The following USP49 variants were observed in gnomAD, a reference collection of about 807,000 sequenced individuals.
The protein encoded by USP49 is ubiquitin specific peptidase 49, also known as ubiquitin carboxyl-terminal hydrolase 49.
In USP49, 24 loss-of-function variants were observed where a neutral mutation model predicts 58.6. That is an observed-to-expected ratio of 0.41 (90% CI 0.30 to 0.58). The LOEUF (loss-of-function observed/expected upper bound fraction) is 0.58. Ranked by LOEUF, USP49 falls within the 20% of genes least tolerant of loss-of-function variation. USP49 has a pLI of 0.30. For missense variants in USP49, 703 were observed against 866.1 expected (o/e 0.81, Z 2.36); for synonymous variants, 408 against 365.1 (o/e 1.12, Z -1.34).
Position 41,806,349 on chromosome 6 carries a change from A to T in USP49, c.635T>A (p.Leu212His), listed in dbSNP as rs1018238016. The T allele has an allele frequency of 2.6e-6, 4 of 1,530,552 alleles. No homozygotes were observed. Among genetic ancestry groups the T allele is most frequent in the East Asian group, 4.5e-5 (2 of 44,036 alleles). The allele number at this position is 1,530,552 out of a possible 1,614,324, so 94.8% of individuals were successfully genotyped here. The change falls in exon 4 of 8, where the codon CTC becomes CAC. Residue 212 changes from leucine (L) to histidine (H), a missense_variant. Physicochemically the swap from Leu to His is moderately conservative, Grantham distance 99 (BLOSUM62 -3). This residue lies in a region of USP49 where 376 missense variants were observed against 373.5 expected (regional missense o/e 1.01). Coordinates refer to ENST00000682992, the MANE Select transcript of USP49 (RefSeq NM_001286554.2). This position sits in a 1 kb window ranked among gnomAD's most constrained non-coding sequence, Gnocchi z 5.9. ...STPPRKSARLLLHTPRDAGPA... is the reference protein window; with the variant it reads ...STPPRKSARLHLHTPRDAGPA... ...GCCCGCGTCGCGGGGCGTGTGCAGG[A>T]GCAGCCGTGCACTCTTGCGCGGAGG...
chr6:41,790,376 T>C lies in USP49; in HGVS notation c.*6157A>G, dbSNP rs1343488508. On this transcript the variant is annotated 3_prime_UTR_variant, in exon 8 of 8. Coordinates refer to ENST00000682992, the MANE Select transcript of USP49 (RefSeq NM_001286554.2). ...TTTGTGACCCTAAAATTCATGGTAG[T>C]GCTACTGTCCAGGGTTTGGGGGCTC... 1 of 152,330 alleles carries C rather than the reference T, an allele frequency of 6.6e-6. No homozygotes were observed. The highest frequency in any genetic ancestry group is 2.1e-4 in the South Asian group (1 of 4,834). 9.4% of individuals were successfully genotyped at this position (152,330 alleles called of 1,614,324 possible). A position where few individuals can be genotyped will look rare whatever the true frequency, so the allele number is the denominator to read the frequency against.
At chr6:41,885,433 TGTA>T (rs1232248740) in intron 2 of USP49, among the ~76,000 whole-genome samples, 1 of 152,186 alleles carries the variant, frequency 6.6e-6, no homozygotes, top group Non-Finnish European at 1.5e-5. Context: ...AATAGCAACC[TGTA>T]GTAGGACAAC....
At position 41,798,809 on chromosome 6, in the gene USP49, G is replaced by C; in HGVS notation, c.1791C>G (p.Ala597=). 6.2e-7 allele frequency: 1 copy of C among 1,613,990 alleles called. No individual in the cohort carries two copies. Among genetic ancestry groups the C allele is most frequent in the Non-Finnish European group, 8.5e-7 (1 of 1,180,008 alleles). ...GCATGACCACTGCGGAGAGATCATA[G>C]GCAAAGGTCTCTTTGTCAAGAGAGG... ...MLSSLDKETF[A]YDLSAVVMHH... The change falls in exon 7 of 8, where the codon GCC becomes GCG. Residue 597 remains alanine, a synonymous_variant. Coordinates refer to ENST00000682992, the MANE Select transcript of USP49 (RefSeq NM_001286554.2).
At chr6:41,888,860 T>A (rs912152312) in intron 2 of USP49, among the ~76,000 whole-genome samples, 1 of 152,202 alleles carries the variant, frequency 6.6e-6, no homozygotes, top group Non-Finnish European at 1.5e-5. Context: ...GGCCATCATT[T>A]TAATGAAGAT....
At chr6:41,881,114 A>G (rs1226553708) in intron 2 of USP49, among the ~76,000 whole-genome samples, 1 of 151,302 alleles carries the variant, frequency 6.6e-6, no homozygotes, top group Admixed American at 6.6e-5. Flanking sequence ...TTGTATTTTT[A>G]GTAGAGATGG....
intron 3 of USP49, among the ~76,000 whole-genome samples, chr6:41,848,670 AAC>A (rs1268173486): frequency 6.6e-6 from 1 of 152,088 alleles, no homozygotes; most frequent in Non-Finnish European, 1.5e-5. Context: ...CATCCTGGCT[AAC>A]ATGAAACCCC....
intron 2 of USP49, among the ~76,000 whole-genome samples, chr6:41,877,047 C>T (rs182051195): frequency 1.5e-4 from 23 of 152,248 alleles, no homozygotes; most frequent in Admixed American, 7.8e-4. Context: ...AAATAAGAAA[C>T]ATATAACATT....
intron 1 of USP49, 58 bp downstream of exon 1, chr6:41,895,266 T>C (rs1774878566): frequency 9.5e-6 from 1 of 104,850 alleles, no homozygotes; most frequent in Non-Finnish European, 1.9e-5. Context: ...CCCCTGGAGC[T>C]ACCCACTTTG....
intron 5 of USP49, among the ~76,000 whole-genome samples, chr6:41,802,465 TTTATTTTTTA>T (rs1349388405): frequency 1.2e-4 from 9 of 76,404 alleles, no homozygotes; most frequent in African/African-American, 4.7e-4. Flanking sequence ...TATTTATTTA[TTTATTTTTTA>T]TTTATTTTTT....
intron 2 of USP49, among the ~76,000 whole-genome samples, chr6:41,878,484 C>T (rs1448894630): frequency 1.3e-5 from 2 of 152,146 alleles, no homozygotes; most frequent in Non-Finnish European, 2.9e-5. Flanking sequence ...AATACCAAAT[C>T]CCATTTAGTT....
intron 2 of USP49, among the ~76,000 whole-genome samples, chr6:41,885,238 C>T (rs1326721182): frequency 6.6e-6 from 1 of 152,204 alleles, no homozygotes; most frequent in Non-Finnish European, 1.5e-5. Context: ...ATGCTGCTAA[C>T]AAAAACTGAT....
rs571836203 is a variant in USP49 at position 41,790,343 on chromosome 6, G to A, written c.*6190C>T. 7 of 152,222 alleles carry A rather than the reference G, an allele frequency of 4.6e-5. No individual in the cohort carries two copies. The highest frequency in any genetic ancestry group is 6.5e-5 in the Admixed American group (1 of 15,292). The allele number at this position is 152,222 out of a possible 1,614,324, so 9.4% of individuals were successfully genotyped here. ...GCTGAGGCAGCTGCTTCCTTCAGAA[G>A]GAAATGTTTTGTGACCCTAAAATTC... On this transcript the variant is annotated 3_prime_UTR_variant, in exon 8 of 8. Coordinates refer to ENST00000682992, the MANE Select transcript of USP49 (RefSeq NM_001286554.2).
chr6:41,877,924 A>G (rs1223568848), intron 2 of USP49, among the ~76,000 whole-genome samples: 1 of 151,962 alleles, frequency 6.6e-6, no homozygotes, highest in Non-Finnish European at 1.5e-5. Flanking sequence ...GCTGCCTAAC[A>G]TTTATAAAAT....
intron 5 of USP49, among the ~76,000 whole-genome samples, chr6:41,802,558 T>C (rs1389162551): frequency 6.7e-6 from 1 of 149,478 alleles, no homozygotes; most frequent in Non-Finnish European, 1.5e-5. Context: ...TCTCCCAAAG[T>C]CCTGGGATTA....
At chr6:41,847,724 A>AT (rs1161337328) in intron 3 of USP49, among the ~76,000 whole-genome samples, 1 of 152,016 alleles carries the variant, frequency 6.6e-6, no homozygotes, top group East Asian at 1.9e-4. Flanking sequence ...AAAAAAAAAA[A>AT]GTAGAGTCAC....
intron 2 of USP49, among the ~76,000 whole-genome samples, chr6:41,873,174 A>G (rs1033551223): frequency 6.6e-5 from 10 of 152,196 alleles, no homozygotes; most frequent in Non-Finnish European, 1.3e-4. Context: ...GTGGGGGTGA[A>G]GCTCTTGGGT....
At chr6:41,864,157 A>G (rs962341192) in intron 3 of USP49, among the ~76,000 whole-genome samples, 1 of 152,216 alleles carries the variant, frequency 6.6e-6, no homozygotes, top group Non-Finnish European at 1.5e-5. Flanking sequence ...ACTTGATAAC[A>G]TATGTTAAAC....
chr6:41,839,020 A>G (rs1294674539), intron 3 of USP49, among the ~76,000 whole-genome samples: 1 of 152,190 alleles, frequency 6.6e-6, no homozygotes, highest in Non-Finnish European at 1.5e-5. Context: ...TCTTGGAACT[A>G]AACGATAATA....
Position 41,806,558 on chromosome 6 carries a change from A to G in USP49, c.426T>C (p.Ala142=), listed in dbSNP as rs1773137078. 1 of 1,602,392 alleles carries G rather than the reference A, an allele frequency of 6.2e-7. No individual in the cohort carries two copies. The highest frequency in any genetic ancestry group is 8.5e-7 in the Non-Finnish European group (1 of 1,178,812). ...GCAGGCGCTGACGCCGGTACCACAG[A>G]GCCGTGAGCATCTGCGGCTGTCCCT... is the stretch of plus-strand genomic sequence containing the variant. The part of the protein sequence containing the change: ...APQGQPQMLT[A]LWYRRQRLLA... The change falls in exon 4 of 8, where the codon GCT becomes GCC. Residue 142 remains alanine, a synonymous_variant. Coordinates refer to ENST00000682992, the MANE Select transcript of USP49 (RefSeq NM_001286554.2). This position sits in a 1 kb window ranked among gnomAD's most constrained non-coding sequence, Gnocchi z 5.9.
Sources: allele counts gnomAD v4.1 joint callset (sites outside exome capture counted in the v4.1 genomes callset), GRCh38; gene constraint gnomAD v4.1.1; regional missense constraint gnomAD v4.1.1; non-coding constraint Gnocchi (gnomAD v3.1); transcripts MANE v1.5; gene names NCBI Gene and HGNC (gene_info 2026-07-23, HGNC 2026-07-21).